The following LZTFL1 variants were observed in gnomAD, a reference collection of about 807,000 sequenced individuals.
LZTFL1 encodes the protein leucine zipper transcription factor like 1, also known as leucine zipper transcription factor-like protein 1.
In LZTFL1, 25 loss-of-function variants were observed where a neutral mutation model predicts 45.9. The observed-to-expected ratio is 0.54, with a 90% CI of 0.40 to 0.76. LZTFL1 has a LOEUF of 0.76. Among genes scored for constraint, LZTFL1 ranks in the 30% least tolerant of loss-of-function variants. LZTFL1 has a pLI of 0.00. For missense variants in LZTFL1, 277 were observed against 331.1 expected (o/e 0.84, Z 1.27); for synonymous variants, 93 against 117.4 (o/e 0.79, Z 1.35).
intron 2 of LZTFL1, chr3:45,897,627 C>A: frequency 6.5e-7 from 1 of 1,534,352 alleles, no homozygotes; most frequent in South Asian, 1.2e-5. Flanking sequence ...CTTCCAGGAC[C>A]TTAGCCCAGG....
chr3:45,905,815 A>G (rs900292462), intron 2 of LZTFL1, among the ~76,000 whole-genome samples: 2 of 152,188 alleles, frequency 1.3e-5, no homozygotes, highest in African/African-American at 4.8e-5. Context: ...ACACGTCACC[A>G]TTTAGCATTT....
rs1700657459 is a variant in LZTFL1 at position 45,826,212 on chromosome 3, A to G, written c.*102T>C. 1.0e-6 allele frequency: 1 copy of G among 982,784 alleles called. No individual in the cohort carries two copies. Among genetic ancestry groups the G allele is most frequent in the Non-Finnish European group, 1.6e-6 (1 of 632,976 alleles). 60.9% of individuals were successfully genotyped at this position (982,784 alleles called of 1,614,324 possible). A position where few individuals can be genotyped will look rare whatever the true frequency, so the allele number is the denominator to read the frequency against. Reference sequence around the variant, plus strand: ...ATATTCAAAGTCTAAATATTAGAAAAATAAGGAGAGGGGATATGACAAAAT... The same window carrying G: ...ATATTCAAAGTCTAAATATTAGAAAGATAAGGAGAGGGGATATGACAAAAT... On this transcript the variant is annotated 3_prime_UTR_variant, in exon 10 of 10. Transcript: ENST00000296135.
chr3:45,865,271 A>G (rs1053453509), intron 2 of LZTFL1, among the ~76,000 whole-genome samples: 3 of 152,260 alleles, frequency 2.0e-5, no homozygotes, highest in Non-Finnish European at 4.4e-5. Context: ...CAGAATTCTA[A>G]CCACATTTTA....
chr3:45,913,326 A>C lies in LZTFL1; in HGVS notation c.-272-149T>G, dbSNP rs911841594. 7 of 599,352 alleles carry C rather than the reference A, an allele frequency of 1.2e-5. No homozygotes were observed. The African/African-American group carries it at 1.3e-4, about 11-fold the overall frequency. The allele number at this position is 599,352 out of a possible 1,614,324, so 37.1% of individuals were successfully genotyped here. A position where few individuals can be genotyped will look rare whatever the true frequency, so the allele number is the denominator to read the frequency against. Reference sequence around the variant, plus strand: ...TTAACTTTTTTTTTTTTTTGGCCTCATCCACACCTTTGACAATCTGACAAA... The same window carrying C: ...TTAACTTTTTTTTTTTTTTGGCCTCCTCCACACCTTTGACAATCTGACAAA... On this transcript the variant is annotated intron_variant, in intron 1 of 4. Coordinates refer to the LZTFL1 transcript ENST00000472635.
chr3:45,902,860 T>C (rs1413151332), intron 2 of LZTFL1: 1 of 167,058 alleles, frequency 6.0e-6, no homozygotes, highest in Non-Finnish European at 1.5e-5. Flanking sequence ...AGCAGCCAGG[T>C]AGGGCAAAGG....
upstream of LZTFL1, among the ~76,000 whole-genome samples, chr3:45,843,306 C>T (rs1701162540): frequency 6.6e-6 from 1 of 151,766 alleles, no homozygotes; most frequent in African/African-American, 2.4e-5. Flanking sequence ...TATTTAGTGC[C>T]TACTATGAGC....
intron 2 of LZTFL1, among the ~76,000 whole-genome samples, chr3:45,904,968 C>T (rs28501674): frequency 0.28 from 42,053 of 152,076 alleles, 7,973 homozygotes; most frequent in African/African-American, 0.54. Flanking sequence ...AAGTTGGCCA[C>T]TCCAGCTTCA....
intron 2 of LZTFL1, among the ~76,000 whole-genome samples, chr3:45,859,450 C>T (rs762877023): frequency 2.0e-5 from 3 of 152,116 alleles, no homozygotes; most frequent in Non-Finnish European, 4.4e-5. Flanking sequence ...TGGTTTCAAA[C>T]TTCTGGGCTC....
chr3:45,852,659 G>A (rs1004651236), intron 4 of LZTFL1, among the ~76,000 whole-genome samples: 3 of 152,228 alleles, frequency 2.0e-5, no homozygotes, highest in African/African-American at 7.2e-5. Flanking sequence ...AATGTGGGAA[G>A]AGGTGCTAGA....
At chr3:45,837,159 T>A (rs1177575458) in intron 2 of LZTFL1, among the ~76,000 whole-genome samples, 1 of 152,250 alleles carries the variant, frequency 6.6e-6, no homozygotes, top group African/African-American at 2.4e-5. Flanking sequence ...TTAGTCATTC[T>A]CAAAAAACCA....
chr3:45,908,940 A>G (rs1044780004), intron 2 of LZTFL1, among the ~76,000 whole-genome samples: 3 of 152,102 alleles, frequency 2.0e-5, no homozygotes, highest in Admixed American at 6.5e-5. Context: ...CTTCGTCTGT[A>G]TTTATAGCTG....
chr3:45,857,373 G>T (rs888339022), intron 3 of LZTFL1, among the ~76,000 whole-genome samples: 1 of 152,162 alleles, frequency 6.6e-6, no homozygotes, highest in African/African-American at 2.4e-5. Context: ...TGTCGGTGGT[G>T]ATTGGGGGCA....
At chr3:45,913,773 TC>T (rs1244526919) in intron 1 of LZTFL1, among the ~76,000 whole-genome samples, 4 of 152,252 alleles carry the variant, frequency 2.6e-5, no homozygotes, top group Admixed American at 6.5e-5. Flanking sequence ...GCTTAGGAAC[TC>T]CCTCCTAAAC....
chr3:45,897,972 G>GA (rs1559425183), intron 2 of LZTFL1, among the ~76,000 whole-genome samples: 1 of 60,740 alleles, frequency 1.6e-5, no homozygotes, highest in African/African-American at 5.3e-5. Flanking sequence ...AAAGCTATTT[G>GA]ACCAAAAAAA....
intron 2 of LZTFL1, among the ~76,000 whole-genome samples, chr3:45,881,983 G>A (rs115996790): frequency 2.5e-3 from 377 of 152,326 alleles, no homozygotes; most frequent in African/African-American, 5.9e-3. Flanking sequence ...ATTAAATAAC[G>A]ATTTTAAAAA....
rs147354730 is a variant in LZTFL1 at position 45,880,028 on chromosome 3, C to T, written c.-214-21012G>A. On this transcript the variant is annotated intron_variant, in intron 2 of 4. Coordinates refer to the LZTFL1 transcript ENST00000472635. Reference sequence around the variant, plus strand: ...CACCCTGAATCTACCATGATGCCTCCGTACAGGCAGAGGTCCAGAGAAGGG... The same window carrying T: ...CACCCTGAATCTACCATGATGCCTCTGTACAGGCAGAGGTCCAGAGAAGGG... 4.7e-3 allele frequency among the ~76,000 whole-genome samples: 711 copies of T among 152,240 alleles called. 4 individuals are homozygous for T. Among genetic ancestry groups the T allele is most frequent in the African/African-American group, 0.016 (654 of 41,542 alleles).
intron 4 of LZTFL1, among the ~76,000 whole-genome samples, chr3:45,852,518 G>A (rs972610678): frequency 6.6e-6 from 1 of 152,074 alleles, no homozygotes; most frequent in African/African-American, 2.4e-5. Flanking sequence ...CCATGTGCAC[G>A]GACATGGAAA....
At chr3:45,906,433 G>A (rs1261704356) in intron 2 of LZTFL1, among the ~76,000 whole-genome samples, 1 of 152,128 alleles carries the variant, frequency 6.6e-6, no homozygotes, top group East Asian at 1.9e-4. Context: ...TGTCTGACAT[G>A]GTCAGACAAA....
At chr3:45,891,589 G>A (rs933011828) in intron 2 of LZTFL1, among the ~76,000 whole-genome samples, 1 of 152,142 alleles carries the variant, frequency 6.6e-6, no homozygotes, top group Admixed American at 6.5e-5. Context: ...AAACCACAAT[G>A]CAGTCAGCAA....
Sources: allele counts gnomAD v4.1 joint callset (sites outside exome capture counted in the v4.1 genomes callset), GRCh38; gene constraint gnomAD v4.1.1; transcripts MANE v1.5; gene names NCBI Gene and HGNC (gene_info 2026-07-23, HGNC 2026-07-21).